HERC2: variants seen among roughly 807,000 people sequenced by gnomAD.
HERC2 encodes HECT and RLD domain containing E3 ubiquitin protein ligase 2, also known as E3 ubiquitin-protein ligase HERC2.
In HERC2, 102 loss-of-function variants were observed where a neutral mutation model predicts 537.7. The observed-to-expected ratio is 0.19, with a 90% CI of 0.16 to 0.22. HERC2 has a LOEUF of 0.22. HERC2 is among the 10% of genes least tolerant of loss of function. HERC2 has a pLI of 1.00. For missense variants in HERC2, 4,236 were observed against 6,198.2 expected (o/e 0.68, Z 10.63); for synonymous variants, 2,224 against 2,466.2 (o/e 0.90, Z 2.91).
In HERC2 at chr15:28,177,076, C is replaced by G. The variant is rs759875927; in HGVS notation, c.9306G>C (p.Arg3102=). The change falls in exon 61 of 93, where the codon CGG becomes CGC. Residue 3102 remains arginine, a synonymous_variant. Transcript: ENST00000261609. The surrounding 1 kb of genome is among the most constrained non-coding windows in gnomAD (Gnocchi z 5.0). ...TGTGCGAGCTCCCACAGGCGATATC[C>G]CGGATACGCTTGGTTTTCAGGGCCT... is the stretch of plus-strand genomic sequence containing the variant. ...LIEALKTKRI[R]DIACGSSHSA... The G allele has an allele frequency of 1.7e-5, 27 of 1,613,722 alleles. No individual in the cohort carries two copies. Among genetic ancestry groups the G allele is most frequent in the Non-Finnish European group, 2.3e-5 (27 of 1,179,792 alleles).
Position 28,135,430 on chromosome 15 carries a change from C to A in HERC2, c.12230+48G>T, listed in dbSNP as rs778846398. ...TAGATTGTAGCAGCATTAAAACAAACAAAAACAAAGACAAATAGAATGTTG... is the reference window on the plus strand; with the variant it reads ...TAGATTGTAGCAGCATTAAAACAAAAAAAAACAAAGACAAATAGAATGTTG... On this transcript the variant is annotated intron_variant, in intron 79 of 92. Transcript: ENST00000261609. 4.7e-6 allele frequency: 7 copies of A among 1,486,032 alleles called. No homozygotes were observed. In the South Asian group the frequency reaches 6.9e-5, roughly 15 times the overall value. The allele number at this position is 1,486,032 out of a possible 1,614,324, so 92.1% of individuals were successfully genotyped here.
intron 84 of HERC2, 67 bp downstream of exon 84, chr15:28,124,939 C>G: frequency 3.5e-6 from 5 of 1,449,002 alleles, no homozygotes; most frequent in Non-Finnish European, 4.7e-6. Context: ...CACACAACGA[C>G]AGGATGCAGC....
chr15:28,214,125 G>A lies in HERC2; in HGVS notation c.6506C>T (p.Ser2169Phe). 1.2e-6 allele frequency: 2 copies of A among 1,614,188 alleles called. No homozygotes were observed. Among genetic ancestry groups the A allele is most frequent in the Non-Finnish European group, 1.7e-6 (2 of 1,180,034 alleles). Residue 2169 changes from serine to phenylalanine, a missense_variant, in exon 41 of 93, where the codon TCC becomes TTC. By Grantham distance (155) the Ser-to-Phe change is radical (BLOSUM62 -2). Transcript: ENST00000261609. ...WNGLINKYIN[S>F]QLRSITHSFV... is the part of the protein sequence containing the mutation. ...GCTGTGGGTGATGGAGCGGAGCTGGGAGTTGATGTACTTGTTGATGAGCCC... is the reference window on the plus strand; with the variant it reads ...GCTGTGGGTGATGGAGCGGAGCTGGAAGTTGATGTACTTGTTGATGAGCCC...
In HERC2 at chr15:28,315,758, G is replaced by A. The variant is rs190309185; in HGVS notation, c.72+5604C>T. ...AGCGCAAAAGAAGAAAGATGAGGCAGAGGTCCAAGTAAACCGCTAGCTTGT... is the reference window on the plus strand; with the variant it reads ...AGCGCAAAAGAAGAAAGATGAGGCAAAGGTCCAAGTAAACCGCTAGCTTGT... On this transcript the variant is annotated intron_variant, in intron 2 of 92. Coordinates refer to ENST00000261609, the MANE Select transcript of HERC2 (RefSeq NM_004667.6). 5.2e-3 allele frequency: 7,385 copies of A among 1,425,618 alleles called. 29 individuals are homozygous for A. Among genetic ancestry groups the A allele is most frequent in the Non-Finnish European group, 6.2e-3 (6,518 of 1,050,522 alleles). 88.3% of individuals were successfully genotyped at this position (1,425,618 alleles called of 1,614,324 possible).
chr15:28,238,276 G>A (rs1902671217), intron 24 of HERC2, 59 bp from the exon 25 acceptor site: 2 of 1,228,812 alleles, frequency 1.6e-6, no homozygotes, highest in South Asian at 1.2e-5. Context: ...AAGAGATATA[G>A]GAGAAACAGT....
chr15:28,175,431 A>C, intron 64 of HERC2, 81 bp downstream of exon 64: 1 of 1,332,970 alleles, frequency 7.5e-7, no homozygotes, highest in Non-Finnish European at 1.0e-6. Context: ...CTGTGATTTC[A>C]ACAGGACGAA....
rs1469494820 is a variant in HERC2 at position 28,111,437 on chromosome 15, T to G, written c.*326A>C. Reference sequence around the variant, plus strand: ...AAAAAAAATCGATTGCACCCACAAGTAAAAAGGCTTTATTCATTTTGGGGA... The same window carrying G: ...AAAAAAAATCGATTGCACCCACAAGGAAAAAGGCTTTATTCATTTTGGGGA... On this transcript the variant is annotated 3_prime_UTR_variant, in exon 93 of 93. Coordinates refer to ENST00000261609, the MANE Select transcript of HERC2 (RefSeq NM_004667.6). 75 of 323,520 alleles carry G rather than the reference T, an allele frequency of 2.3e-4. No homozygotes were observed. The East Asian group carries it at 3.9e-3, about 17-fold the overall frequency. The allele number at this position is 323,520 out of a possible 1,614,324, so 20.0% of individuals were successfully genotyped here.
At chr15:28,161,048 C>T (rs750941083) in intron 69 of HERC2, among the ~76,000 whole-genome samples, 2 of 152,154 alleles carry the variant, frequency 1.3e-5, no homozygotes, top group Non-Finnish European at 2.9e-5. Context: ...AGGATACCTA[C>T]AGCTTTTTAG....
intron 23 of HERC2, among the ~76,000 whole-genome samples, 188 bp from the exon 24 acceptor site, chr15:28,238,960 A>C (rs1248631915): frequency 6.6e-6 from 1 of 152,152 alleles, no homozygotes; most frequent in Non-Finnish European, 1.5e-5. Flanking sequence ...TTTAAAAAAA[A>C]ATCTAGGCAG....
chr15:28,277,569 G>A (rs931343916), intron 5 of HERC2, among the ~76,000 whole-genome samples: 1 of 151,944 alleles, frequency 6.6e-6, no homozygotes, highest in Non-Finnish European at 1.5e-5. Context: ...AAAGGAAACA[G>A]CAGAGAAAAA....
At position 28,177,882 on chromosome 15, in the gene HERC2, C is replaced by T. The variant is rs1895448036; in HGVS notation, c.9164-373G>A. 6.6e-6 allele frequency among the ~76,000 whole-genome samples: 1 copy of T among 152,186 alleles called. No homozygotes were observed. The highest frequency in any genetic ancestry group is 2.1e-4 in the South Asian group (1 of 4,834). On this transcript the variant is annotated intron_variant, in intron 59 of 92. Transcript: ENST00000261609. This position sits in a 1 kb window ranked among gnomAD's most constrained non-coding sequence, Gnocchi z 5.0. Reference sequence around the variant, plus strand: ...TAGTGTCAATTTAAGTTTTTGAGAACTGTACCTCAACAGTGAAATTATTCA... The same window carrying T: ...TAGTGTCAATTTAAGTTTTTGAGAATTGTACCTCAACAGTGAAATTATTCA...
In HERC2 at chr15:28,280,125, T is replaced by G; in HGVS notation, c.485A>C (p.Asn162Thr). ...IALNRTVFQE[N>T]VKVKWKSSGI... ...GCTGCTTTTCCACTTAACTTTGACATTCTCCTGAAAAACGGTTCTATTCAA... is the reference window on the plus strand; with the variant it reads ...GCTGCTTTTCCACTTAACTTTGACAGTCTCCTGAAAAACGGTTCTATTCAA... The change falls in exon 5 of 93, where the codon AAT becomes ACT. Residue 162 changes from asparagine to threonine, a missense_variant. Asn to Thr is a moderately conservative substitution (Grantham distance 65, BLOSUM62 0). This residue lies in a region of HERC2 where 491 missense variants were observed against 559.3 expected (regional missense o/e 0.88). Transcript: ENST00000261609. 1 of 1,614,158 alleles carries G rather than the reference T, an allele frequency of 6.2e-7. No homozygotes were observed.
intron 89 of HERC2, 120 bp from the exon 90 acceptor site, chr15:28,114,922 G>T: frequency 2.7e-6 from 2 of 740,906 alleles, no homozygotes; most frequent in Admixed American, 2.5e-5. Context: ...TGCATCTCGA[G>T]GCTGCAAGTG....
At chr15:28,184,162 G>C (rs1473152409) in intron 56 of HERC2, among the ~76,000 whole-genome samples, 3 of 152,190 alleles carry the variant, frequency 2.0e-5, no homozygotes, top group Non-Finnish European at 4.4e-5. Context: ...TTGCGATCCA[G>C]CCTGGGCAAC....
At chr15:28,293,120 C>T in intron 3 of HERC2, 98 bp from the exon 4 acceptor site, 1 of 969,544 alleles carries the variant, frequency 1.0e-6, no homozygotes, top group South Asian at 1.6e-5. Context: ...CAACACACAT[C>T]ATTAACTGAA....
chr15:28,141,587 T>C lies in HERC2; in HGVS notation c.11860A>G (p.Ile3954Val). Residue 3954 changes from isoleucine to valine, a missense_variant, in exon 78 of 93, where the codon ATT becomes GTT. Ile to Val is a conservative substitution (Grantham distance 29). Coordinates refer to ENST00000261609, the MANE Select transcript of HERC2 (RefSeq NM_004667.6). The stretch of plus-strand genomic sequence containing the variant: ...CTGTGATTATGTCCCCATCCATAAA[T>C]TGTTCCACTGCCACCAGCAGAGAGA... ...WTLSAGGSGTIYGWGHNHRGQ... is the reference protein window; with the variant it reads ...WTLSAGGSGTVYGWGHNHRGQ... The C allele has an allele frequency of 1.2e-6, 2 of 1,614,128 alleles. No individual in the cohort carries two copies. Among genetic ancestry groups the C allele is most frequent in the Non-Finnish European group, 1.7e-6 (2 of 1,180,034 alleles).
At chr15:28,201,898 CT>C (rs1897946164) in intron 47 of HERC2, among the ~76,000 whole-genome samples, 1 of 152,060 alleles carries the variant, frequency 6.6e-6, no homozygotes, top group Non-Finnish European at 1.5e-5. Flanking sequence ...TGTTCTGAAG[CT>C]AAAAGTAATT....
intron 35 of HERC2, among the ~76,000 whole-genome samples, chr15:28,227,234 C>T (rs1464147969): frequency 2.6e-5 from 4 of 152,050 alleles, no homozygotes; most frequent in Non-Finnish European, 5.9e-5. Context: ...GAGATCGTGC[C>T]ACTGTGCTCC....
At chr15:28,311,738 C>CTTGTTG (rs2076951233) in intron 2 of HERC2, among the ~76,000 whole-genome samples, 1 of 152,074 alleles carries the variant, frequency 6.6e-6, no homozygotes, top group African/African-American at 2.4e-5. Context: ...AAGATGCCAA[C>CTTGTTG]ACCCAAGCAG....
Sources: gnomAD v4.1 joint callset for allele counts (sites outside exome capture counted in the v4.1 genomes callset) on GRCh38, gnomAD v4.1.1 for gene constraint, gnomAD v4.1.1 regional missense constraint, Gnocchi (gnomAD v3.1) non-coding constraint, MANE v1.5 for transcripts, NCBI Gene and HGNC (gene_info 2026-07-23, HGNC 2026-07-21) for gene names.